ADPRHL1: variants seen among roughly 807,000 people sequenced by gnomAD.
The protein encoded by ADPRHL1 is ADP-ribosylhydrolase like 1, also known as inactive ADP-ribosyltransferase ARH2.
Under a neutral mutation model 44.1 loss-of-function variants are expected in ADPRHL1, and 43 were observed. The ratio of observed to expected loss-of-function variants is 0.98; its 90% CI spans 0.76 to 1.26. The LOEUF (loss-of-function observed/expected upper bound fraction) is 1.26. Among genes scored for constraint, ADPRHL1 ranks in the 50% most tolerant of loss-of-function variants. ADPRHL1 has a pLI of 0.00. For missense variants in ADPRHL1, 2,022 were observed against 2,496.9 expected (o/e 0.81, Z 4.05); for synonymous variants, 878 against 1,017.4 (o/e 0.86, Z 2.61).
Position 113,453,157 on chromosome 13 carries a change from C to A in ADPRHL1, c.214+67G>T, listed in dbSNP as rs972963593. Reference sequence around the variant, plus strand: ...TGCCTTCAAAGCTCTCGGAGGCTTACTGGGAGAACTCGAGCAGCCAGTGTT... The same window carrying A: ...TGCCTTCAAAGCTCTCGGAGGCTTAATGGGAGAACTCGAGCAGCCAGTGTT... On this transcript the variant is annotated intron_variant, in intron 1 of 7. Coordinates refer to ENST00000612156, the MANE Select transcript of ADPRHL1 (RefSeq NM_001394807.1). The surrounding 1 kb of genome is among the most constrained non-coding windows in gnomAD (Gnocchi z 5.4). The A allele has an allele frequency of 4.6e-5, 72 of 1,568,372 alleles. No individual in the cohort carries two copies. Among genetic ancestry groups the A allele is most frequent in the Middle Eastern group, 4.0e-4 (2 of 4,980 alleles).
intron 7 of ADPRHL1, among the ~76,000 whole-genome samples, chr13:113,411,544 T>C (rs1249147529): frequency 1.3e-5 from 2 of 152,218 alleles, no homozygotes; most frequent in Non-Finnish European, 2.9e-5. Flanking sequence ...GTGGAGGACG[T>C]ACTTGGCCAC....
At chr13:113,438,054 C>G (rs534438749) in intron 2 of ADPRHL1, among the ~76,000 whole-genome samples, 16 of 152,160 alleles carry the variant, frequency 1.1e-4, no homozygotes, top group Non-Finnish European at 2.4e-4. Flanking sequence ...TGGTCTTGAA[C>G]TCCTGACCTC....
At chr13:113,431,468 G>A (rs1411023221) in intron 3 of ADPRHL1, among the ~76,000 whole-genome samples, 1 of 152,220 alleles carries the variant, frequency 6.6e-6, no homozygotes, top group African/African-American at 2.4e-5. Flanking sequence ...CAAGCCCAGG[G>A]CTCTGGGCCG....
intron 1 of ADPRHL1, chr13:113,448,967 C>T (rs906836350): frequency 3.3e-5 from 33 of 985,614 alleles, no homozygotes; most frequent in Admixed American, 1.2e-4. Context: ...TGTGCGAGGC[C>T]GCCCCTCCCC....
rs2043823801 is a variant in ADPRHL1, at chr13:113,408,195, C to T, written c.1087G>A (p.Asp363Asn). The T allele has an allele frequency of 8.1e-7, 1 of 1,231,906 alleles. No individual in the cohort carries two copies. The highest frequency in any genetic ancestry group is 1.6e-5 in the African/African-American group (1 of 64,432). The allele number at this position is 1,231,906 out of a possible 1,614,324, so 76.3% of individuals were successfully genotyped here. ...ENRKSSKTCS[D>N]VMSVDAQTLK... ...GTTTGGGCGTCCACAGACATGACGT[C>T]ACTGCAGGTCTTGCTGCTCTTCCGG... is the stretch of plus-strand genomic sequence containing the variant. The change falls in exon 8 of 8, where the codon GAC (aspartate) becomes AAC (asparagine). Residue 363 changes from aspartate to asparagine, a missense_variant. By Grantham distance (23) the Asp-to-Asn change is conservative. Around this residue, in one of 8 missense-constraint regions of ADPRHL1, gnomAD observed 1,221 missense variants for 1,517.8 expected, o/e 0.80. Coordinates refer to ENST00000612156, the MANE Select transcript of ADPRHL1 (RefSeq NM_001394807.1).
intron 7 of ADPRHL1, among the ~76,000 whole-genome samples, chr13:113,412,247 G>A (rs1190974778): frequency 1.3e-4 from 20 of 152,090 alleles, no homozygotes; most frequent in African/African-American, 4.1e-4. Context: ...GCGCGATCTC[G>A]ACTCACTGCA....
chr13:113,416,344 T>G (rs1014524782), intron 7 of ADPRHL1, among the ~76,000 whole-genome samples: 2 of 151,962 alleles, frequency 1.3e-5, no homozygotes, highest in Non-Finnish European at 2.9e-5. Flanking sequence ...GTGACTGACT[T>G]AGCTGGGACC....
intron 1 of ADPRHL1, among the ~76,000 whole-genome samples, chr13:113,448,491 A>AAAAAAG (rs2044157655): frequency 2.0e-5 from 3 of 150,526 alleles, no homozygotes; most frequent in African/African-American, 4.9e-5. Flanking sequence ...AAAAAAAAAA[A>AAAAAAG]TGGTGCCTGA....
At chr13:113,434,098 C>T (rs1018524096) in intron 2 of ADPRHL1, among the ~76,000 whole-genome samples, 9 of 152,184 alleles carry the variant, frequency 5.9e-5, no homozygotes, top group Admixed American at 4.6e-4. Context: ...AAAAACAGAA[C>T]GTTTGATGGC....
In ADPRHL1 at chr13:113,404,780, T is replaced by C. The variant is rs755541072; in HGVS notation, c.4502A>G (p.Gln1501Arg). 1.9e-4 allele frequency: 235 copies of C among 1,262,650 alleles called. No individual in the cohort carries two copies. The highest frequency in any genetic ancestry group is 2.2e-4 in the Non-Finnish European group (221 of 1,007,858). The allele number at this position is 1,262,650 out of a possible 1,614,324, so 78.2% of individuals were successfully genotyped here. Residue 1501 changes from glutamine (Q) to arginine (R), a missense_variant, in exon 8 of 8, where the codon CAG (glutamine) becomes CGG (arginine). By Grantham distance (43) the Gln-to-Arg change is conservative. This residue lies in a region of ADPRHL1 where 1,221 missense variants were observed against 1,517.8 expected (regional missense o/e 0.80). Coordinates refer to ENST00000612156, the MANE Select transcript of ADPRHL1 (RefSeq NM_001394807.1). ...CTGGGCCTGTTCTTGAGCGTGTCCC[T>C]GAACCTGTCCCCGGTCCCATTCCTG... ...QVQEWDRGQV[Q>R]GHAQEQAQWQ...
Position 113,406,742 on chromosome 13 carries a change from A to G in ADPRHL1, c.2540T>C (p.Ile847Thr). Residue 847 changes from isoleucine (I) to threonine (T), a missense_variant, in exon 8 of 8, where the codon ATT (isoleucine) becomes ACT (threonine). By Grantham distance (89) the Ile-to-Thr change is moderately conservative. Around this residue, in one of 8 missense-constraint regions of ADPRHL1, gnomAD observed 1,221 missense variants for 1,517.8 expected, o/e 0.80. Coordinates refer to ENST00000612156, the MANE Select transcript of ADPRHL1 (RefSeq NM_001394807.1). The stretch of plus-strand genomic sequence containing the variant: ...GGCTGGCATTTCATGGACAACTGGA[A>G]TTTGGACAGTTATCCGTGGAGGCTC... ...ATEPPRITVQIPVVHEMPAPP... is the reference protein window; with the variant it reads ...ATEPPRITVQTPVVHEMPAPP... 3 of 1,231,946 alleles carry G rather than the reference A, an allele frequency of 2.4e-6. No individual in the cohort carries two copies. The highest frequency in any genetic ancestry group is 3.0e-6 in the Non-Finnish European group (3 of 987,986). 76.3% of individuals were successfully genotyped at this position (1,231,946 alleles called of 1,614,324 possible).
chr13:113,403,141 C>T lies in ADPRHL1; in HGVS notation c.*237G>A. 1 of 357,260 alleles carries T rather than the reference C, an allele frequency of 2.8e-6. No homozygotes were observed. The highest frequency in any genetic ancestry group is 5.0e-6 in the Non-Finnish European group (1 of 201,056). 22.1% of individuals were successfully genotyped at this position (357,260 alleles called of 1,614,324 possible). ...AAAGAATCCCGAGGGCCTGGTGAGGCCACAGGCCCGCACCTCCCACCCCCA... is the reference window on the plus strand; with the variant it reads ...AAAGAATCCCGAGGGCCTGGTGAGGTCACAGGCCCGCACCTCCCACCCCCA... On this transcript the variant is annotated 3_prime_UTR_variant, in exon 8 of 8. Coordinates refer to ENST00000612156, the MANE Select transcript of ADPRHL1 (RefSeq NM_001394807.1).
chr13:113,403,605 C>T lies in ADPRHL1; in HGVS notation c.5677G>A (p.Gly1893Arg). The T allele has an allele frequency of 8.1e-7, 1 of 1,231,646 alleles. No homozygotes were observed. The highest frequency in any genetic ancestry group is 1.0e-6 in the Non-Finnish European group (1 of 987,930). 76.3% of individuals were successfully genotyped at this position (1,231,646 alleles called of 1,614,324 possible). ...KSPTEPKPEA[G>R]GCGTPQAPAQ... is the part of the protein sequence containing the mutation. ...GGGGCCTGGGGAGTCCCGCAGCCCC[C>T]AGCCTCAGGCTTGGGCTCAGTTGGG... Residue 1893 changes from glycine (G) to arginine (R), a missense_variant, in exon 8 of 8, where the codon GGG becomes AGG. Gly to Arg is a moderately radical substitution (Grantham distance 125). Around this residue, in one of 8 missense-constraint regions of ADPRHL1, gnomAD observed 205 missense variants for 250.1 expected, o/e 0.82. Transcript: ENST00000612156.
chr13:113,432,835 G>A (rs531682980), intron 3 of ADPRHL1, among the ~76,000 whole-genome samples: 1 of 152,344 alleles, frequency 6.6e-6, no homozygotes, highest in African/African-American at 2.4e-5. Context: ...CGTGGGACTG[G>A]GCGGTGCCAG....
Position 113,407,416 on chromosome 13 carries a change from G to A in ADPRHL1, c.1866C>T (p.Ser622=). ...TGGGGCCACAGACGACGGTGGCGAT[G>A]CTGAGGGCCGGCAGGGGCTCAGCCG... ...ACTAEPLPAL[S]IATVVCGPRS... is the part of the protein sequence containing the mutation. The change falls in exon 8 of 8, where the codon AGC becomes AGT. Residue 622 remains serine, a synonymous_variant. Coordinates refer to ENST00000612156, the MANE Select transcript of ADPRHL1 (RefSeq NM_001394807.1). The A allele has an allele frequency of 1.6e-6, 2 of 1,231,914 alleles. No homozygotes were observed. Among genetic ancestry groups the A allele is most frequent in the Non-Finnish European group, 2.0e-6 (2 of 987,924 alleles). 76.3% of individuals were successfully genotyped at this position (1,231,914 alleles called of 1,614,324 possible). A position where few individuals can be genotyped will look rare whatever the true frequency, so the allele number is the denominator to read the frequency against.
At position 113,420,553 on chromosome 13, in the gene ADPRHL1, G is replaced by A. The variant is rs1595542227; in HGVS notation, c.1061+2273C>T. Among the ~76,000 whole-genome samples the A allele has an allele frequency of 2.0e-5, 3 of 152,184 alleles. No homozygotes were observed. The South Asian group carries it at 6.2e-4, about 32-fold the overall frequency. On this transcript the variant is annotated intron_variant, in intron 7 of 7. Transcript: ENST00000612156. ...TTACCTTAATTGGGTTTCTTTTCCTGAAAGGTAATTCTCAGTTAATTTCCC... is the reference window on the plus strand; with the variant it reads ...TTACCTTAATTGGGTTTCTTTTCCTAAAAGGTAATTCTCAGTTAATTTCCC...
chr13:113,422,710 GCA>G (rs2043934510), intron 7 of ADPRHL1, 114 bp downstream of exon 7: 2 of 1,354,100 alleles, frequency 1.5e-6, no homozygotes, highest in African/African-American at 2.9e-5. Flanking sequence ...GGCCAGTCAG[GCA>G]CAGACCGCAG....
At position 113,407,919 on chromosome 13, in the gene ADPRHL1, T is replaced by C. The variant is rs570695639; in HGVS notation, c.1363A>G (p.Ile455Val). 10 of 1,231,934 alleles carry C rather than the reference T, an allele frequency of 8.1e-6. No homozygotes were observed. In the African/African-American group the frequency reaches 1.4e-4, roughly 17 times the overall value. The allele number at this position is 1,231,934 out of a possible 1,614,324, so 76.3% of individuals were successfully genotyped here. Residue 455 changes from isoleucine (I) to valine (V), a missense_variant, in exon 8 of 8, where the codon ATC becomes GTC. By Grantham distance (29) the Ile-to-Val change is conservative. This residue lies in a region of ADPRHL1 where 1,221 missense variants were observed against 1,517.8 expected (regional missense o/e 0.80). Transcript: ENST00000612156. ...LKRTREVGRLISKDKQGPGGG... is the reference protein window; with the variant it reads ...LKRTREVGRLVSKDKQGPGGG... ...CCCGGCCCCTGCTTGTCCTTGGAGA[T>C]CAGCCGGCCCACCTCCCTGGTCCTC...
At chr13:113,447,712 A>G (rs899000400) in intron 1 of ADPRHL1, among the ~76,000 whole-genome samples, 2 of 152,190 alleles carry the variant, frequency 1.3e-5, no homozygotes, top group Non-Finnish European at 2.9e-5. Flanking sequence ...GTGGTTTGGG[A>G]GACACGAGTC....
Sources: allele counts gnomAD v4.1 joint callset (sites outside exome capture counted in the v4.1 genomes callset), GRCh38; gene constraint gnomAD v4.1.1; regional missense constraint gnomAD v4.1.1; non-coding constraint Gnocchi (gnomAD v3.1); transcripts MANE v1.5; gene names NCBI Gene and HGNC (gene_info 2026-07-23, HGNC 2026-07-21).